Variants in AFF2 observed in about 807,000 individuals in gnomAD.
AFF2 encodes AF4/FMR2 family member 2.
AFF2 carries 14 observed loss-of-function variants against 76.9 expected under a neutral mutation model. The observed-to-expected ratio is 0.18, with a 90% CI of 0.12 to 0.28. AFF2 has a LOEUF of 0.28. Among genes scored for constraint, AFF2 ranks in the 10% least tolerant of loss-of-function variants. The pLI, the probability that AFF2 is intolerant of heterozygous loss-of-function variation, is 1.00. For missense variants in AFF2, 868 were observed against 1,001.1 expected, an observed-to-expected ratio of 0.87 and a Z score of 1.79; for synonymous variants, 398 against 366.7, an observed-to-expected ratio of 1.09 and a Z score of -0.98.
Position 148,952,206 on chromosome X carries a change from G to T in AFF2, c.1398-1374G>T, listed in dbSNP as rs138593471. Reference sequence around the variant, plus strand: ...GGGCATAGGGTGGGGTCATGAACTCGTTTGGGTTCAGGCAATGAATAAAGG... The same window carrying T: ...GGGCATAGGGTGGGGTCATGAACTCTTTTGGGTTCAGGCAATGAATAAAGG... On this transcript the variant is annotated intron_variant, in intron 9 of 20. Coordinates refer to ENST00000370460, the MANE Select transcript of AFF2 (RefSeq NM_002025.4). Among the ~76,000 whole-genome samples, 1,070 of 111,414 alleles carry T rather than the reference G, an allele frequency of 9.6e-3. 17 individuals carry two copies. The highest frequency in any genetic ancestry group is 0.033 in the African/African-American group (1,007 of 30,601).
intron 19 of AFF2, among the ~76,000 whole-genome samples, 183 bp downstream of exon 19, chrX:148,980,973 G>C (rs1428155020): frequency 2.7e-5 from 3 of 111,841 alleles, no homozygotes; most frequent in Non-Finnish European, 5.6e-5. Context: ...ATGTGCTTCA[G>C]AGTTATTTAA....
intron 8 of AFF2, among the ~76,000 whole-genome samples, chrX:148,892,375 C>CAA (rs5904254): frequency 1.8e-5 from 2 of 108,702 alleles, no homozygotes; most frequent in African/African-American, 6.7e-5. Flanking sequence ...TTACCGAACA[C>CAA]AAAAAAGTTG....
intron 3 of AFF2, among the ~76,000 whole-genome samples, chrX:148,790,451 A>G (rs979605431): frequency 8.9e-6 from 1 of 111,924 alleles, no homozygotes; most frequent in Admixed American, 9.5e-5. Flanking sequence ...ATGCCCATCA[A>G]TGATAGACTG....
chrX:148,635,089 A>G (rs2054017744), intron 1 of AFF2, among the ~76,000 whole-genome samples: 2 of 111,483 alleles, frequency 1.8e-5, no homozygotes, highest in Admixed American at 9.6e-5. Flanking sequence ...CCATATATAT[A>G]TAATGTGAAT....
chrX:148,554,646 C>T lies in AFF2; in HGVS notation c.47+53502C>T, dbSNP rs782439605. 8.0e-5 allele frequency among the ~76,000 whole-genome samples: 9 copies of T among 112,476 alleles called. No individual in the cohort carries two copies. The East Asian group carries it at 2.5e-3, about 32-fold the overall frequency. Reference sequence around the variant, plus strand: ...TGTTTCTCGTGGGGATAATGGAAGACACTCCAGTTTAATTTGCATTTGCCA... The same window carrying T: ...TGTTTCTCGTGGGGATAATGGAAGATACTCCAGTTTAATTTGCATTTGCCA... On this transcript the variant is annotated intron_variant, in intron 1 of 20. Transcript: ENST00000370460.
At chrX:148,566,832 T>A (rs1291654743) in intron 1 of AFF2, among the ~76,000 whole-genome samples, 1 of 111,787 alleles carries the variant, frequency 8.9e-6, no homozygotes, top group Non-Finnish European at 1.9e-5. Flanking sequence ...AAAATCTCCT[T>A]TGTAGCTCTT....
intron 1 of AFF2, among the ~76,000 whole-genome samples, chrX:148,620,969 A>T (rs931239839): frequency 7.5e-4 from 84 of 112,195 alleles, no homozygotes; most frequent in Admixed American, 1.9e-3. Flanking sequence ...ACTCTCAGAT[A>T]GCAAAATGAT....
chrX:148,795,058 G>T (rs1557270274), intron 3 of AFF2, among the ~76,000 whole-genome samples: 1 of 112,273 alleles, frequency 8.9e-6, no homozygotes, highest in African/African-American at 3.2e-5. Context: ...AGCAACAAAT[G>T]ATACTGGGAG....
At chrX:148,728,321 G>A (rs1405976682) in intron 3 of AFF2, among the ~76,000 whole-genome samples, 5 of 112,264 alleles carry the variant, frequency 4.5e-5, no homozygotes, top group Non-Finnish European at 7.5e-5. Flanking sequence ...CAATCCATAG[G>A]CCATAGGCCC....
chrX:148,541,537 A>G (rs1381817050), intron 1 of AFF2, among the ~76,000 whole-genome samples: 1 of 111,349 alleles, frequency 9.0e-6, no homozygotes, highest in Non-Finnish European at 1.9e-5. Context: ...TTAAGTTGTA[A>G]TCCACCACTT....
At chrX:148,580,563 A>C (rs1299622443) in intron 1 of AFF2, among the ~76,000 whole-genome samples, 1 of 111,220 alleles carries the variant, frequency 9.0e-6, no homozygotes, top group East Asian at 2.8e-4. Context: ...CAGCAGACAT[A>C]ATCAAATAGT....
intron 1 of AFF2, among the ~76,000 whole-genome samples, chrX:148,607,920 G>T (rs2053688623): frequency 1.8e-5 from 2 of 111,923 alleles, no homozygotes; most frequent in African/African-American, 6.5e-5. Context: ...TATTTGCCAT[G>T]TGCAGCTTTT....
At chrX:148,589,401 A>C (rs990693297) in intron 1 of AFF2, among the ~76,000 whole-genome samples, 1 of 112,252 alleles carries the variant, frequency 8.9e-6, no homozygotes, top group Non-Finnish European at 1.9e-5. Context: ...GGGTTCAGAG[A>C]AGGATGACTA....
chrX:148,599,497 T>C (rs1388237116), intron 1 of AFF2, among the ~76,000 whole-genome samples: 1 of 110,746 alleles, frequency 9.0e-6, no homozygotes, highest in Admixed American at 9.7e-5. Flanking sequence ...AGAAGCAGTT[T>C]TTGTGGTCAG....
At chrX:148,809,697 C>T (rs371351479) in intron 3 of AFF2, among the ~76,000 whole-genome samples, 179 bp from the exon 4 acceptor site, 1 of 111,633 alleles carries the variant, frequency 9.0e-6, no homozygotes, top group Admixed American at 9.5e-5. Context: ...CCATGCACTG[C>T]GATCTTACCG....
intron 1 of AFF2, among the ~76,000 whole-genome samples, chrX:148,621,306 T>C (rs956937343): frequency 1.8e-5 from 2 of 111,789 alleles, no homozygotes; most frequent in Non-Finnish European, 3.8e-5. Context: ...ATATTCATTT[T>C]CTAATTTTTG....
At chrX:148,743,566 G>A (rs906553927) in intron 3 of AFF2, among the ~76,000 whole-genome samples, 29 of 111,222 alleles carry the variant, frequency 2.6e-4, no homozygotes, top group Non-Finnish European at 5.3e-4. Flanking sequence ...TGTGTGTATC[G>A]TGATGGGGAG....
chrX:148,510,355 G>A (rs1337580927), intron 1 of AFF2, among the ~76,000 whole-genome samples: 2 of 111,809 alleles, frequency 1.8e-5, no homozygotes, highest in East Asian at 5.6e-4. Flanking sequence ...AGGAAACTGG[G>A]ACAGAAGGGT....
intron 3 of AFF2, among the ~76,000 whole-genome samples, chrX:148,711,672 T>A (rs2054969631): frequency 8.9e-6 from 1 of 112,381 alleles, no homozygotes; most frequent in South Asian, 3.7e-4. Context: ...GATTTTATGC[T>A]AATGAAGGCA....
Sources: allele counts gnomAD v4.1 joint callset (sites outside exome capture counted in the v4.1 genomes callset), GRCh38; gene constraint gnomAD v4.1.1; transcripts MANE v1.5; gene names NCBI Gene and HGNC (gene_info 2026-07-23, HGNC 2026-07-21).